CDK13: variants seen among roughly 807,000 people sequenced by gnomAD.
CDK13 encodes the protein cyclin dependent kinase 13.
CDK13 carries 40 observed loss-of-function variants against 137.6 expected under a neutral mutation model. The ratio of observed to expected loss-of-function variants is 0.29; its 90% CI spans 0.23 to 0.38. The LOEUF is 0.38. Among genes scored for constraint, CDK13 ranks in the 10% least tolerant of loss-of-function variants. The pLI is 1.00. For missense variants in CDK13, 1,704 were observed against 1,951.8 expected (o/e 0.87, Z 2.39); for synonymous variants, 869 against 760.1 (o/e 1.14, Z -2.36).
rs1786603248 is a variant in CDK13 at position 40,078,884 on chromosome 7, A to G, written c.3029+33A>G. 4.6e-6 allele frequency: 4 copies of G among 864,860 alleles called. No individual in the cohort carries two copies. In the East Asian group the frequency reaches 1.6e-4, roughly 34 times the overall value. The allele number at this position is 864,860 out of a possible 1,614,324, so 53.6% of individuals were successfully genotyped here. A position where few individuals can be genotyped will look rare whatever the true frequency, so the allele number is the denominator to read the frequency against. On this transcript the variant is annotated intron_variant, in intron 11 of 13. Transcript: ENST00000181839. ...ACTTTTTATCCTATTATTATTATAT[A>G]TTATTATTATATTTATTATATTAAA...
At chr7:39,977,786 C>T (rs973734440) in intron 1 of CDK13, among the ~76,000 whole-genome samples, 8 of 152,056 alleles carry the variant, frequency 5.3e-5, no homozygotes, top group Non-Finnish European at 1.2e-4. Context: ...GAGACTTGCA[C>T]TGGGCCCAGT....
Position 40,092,807 on chromosome 7 carries a change from C to G in CDK13, c.3258C>G (p.His1086Gln), listed in dbSNP as rs369804278. Reference protein sequence around the residue: ...VAPVKTGPGQHLNHSELAILL... With the variant: ...VAPVKTGPGQQLNHSELAILL... ...TAGTAAAAACAGGCCCTGGACAGCA[C>G]TTAAACCACAGTGAATTGGCAATTC... is the stretch of plus-strand genomic sequence containing the variant. The change falls in exon 13 of 14, where the codon CAC (histidine) becomes CAG (glutamine). Residue 1086 changes from histidine (H) to glutamine (Q), a missense_variant. Around this residue, in one of 5 missense-constraint regions of CDK13, gnomAD observed 475 missense variants for 579.3 expected, o/e 0.82. Transcript: ENST00000181839. 29 of 1,613,934 alleles carry G rather than the reference C, an allele frequency of 1.8e-5. No homozygotes were observed. The highest frequency in any genetic ancestry group is 2.5e-5 in the Non-Finnish European group (29 of 1,179,974).
intron 4 of CDK13, among the ~76,000 whole-genome samples, chr7:40,001,238 C>T (rs1372302860): frequency 4.2e-5 from 6 of 141,512 alleles, no homozygotes; most frequent in African/African-American, 1.1e-4. Flanking sequence ...TTTTTTGAGA[C>T]GGAGTCTTGC....
chr7:40,062,560 G>A (rs1481619202), intron 7 of CDK13: 7 of 323,146 alleles, frequency 2.2e-5, no homozygotes, highest in South Asian at 6.4e-5. Context: ...GATTACAGGC[G>A]TGAGCCACCG....
intron 1 of CDK13, among the ~76,000 whole-genome samples, chr7:39,965,217 A>T (rs1278981940): frequency 6.6e-6 from 1 of 152,150 alleles, no homozygotes; most frequent in East Asian, 1.9e-4. Flanking sequence ...TAATGTTGAC[A>T]GTGGGGTGTT....
chr7:39,957,448 T>C (rs1474519336), intron 1 of CDK13, among the ~76,000 whole-genome samples: 1 of 152,178 alleles, frequency 6.6e-6, no homozygotes, highest in African/African-American at 2.4e-5. Context: ...GCTTATTTAT[T>C]GGTGGTTTAA....
intron 7 of CDK13, among the ~76,000 whole-genome samples, chr7:40,055,429 T>C (rs1281155844): frequency 6.6e-6 from 1 of 152,106 alleles, no homozygotes; most frequent in Non-Finnish European, 1.5e-5. Flanking sequence ...TTTTAATCCA[T>C]GAAAGAAAAA....
At chr7:40,060,027 T>C (rs865799819) in intron 7 of CDK13, among the ~76,000 whole-genome samples, 6 of 152,206 alleles carry the variant, frequency 3.9e-5, no homozygotes, top group African/African-American at 1.4e-4. Flanking sequence ...CATGTGGTTT[T>C]GTGTTTATTT....
chr7:39,987,253 G>C (rs1417010632), intron 1 of CDK13: 1 of 174,538 alleles, frequency 5.7e-6, no homozygotes, highest in Non-Finnish European at 1.2e-5. Flanking sequence ...CTGTCTCCTG[G>C]TAAAAGATTT....
intron 2 of CDK13, among the ~76,000 whole-genome samples, chr7:39,997,065 G>A (rs1784579040): frequency 6.7e-6 from 1 of 149,324 alleles, no homozygotes; most frequent in South Asian, 2.1e-4. Flanking sequence ...CAGTTTTATA[G>A]TTAATTCTGT....
chr7:40,089,378 T>C (rs539754757), intron 12 of CDK13, among the ~76,000 whole-genome samples: 46 of 150,842 alleles, frequency 3.0e-4, no homozygotes, highest in Non-Finnish European at 5.7e-4. Flanking sequence ...AGGCAGATGT[T>C]GCAGTGAGCC....
intron 12 of CDK13, 67 bp downstream of exon 12, chr7:40,088,398 C>T: frequency 8.2e-7 from 1 of 1,225,204 alleles, no homozygotes; most frequent in Non-Finnish European, 1.2e-6. Context: ...TCATATTGCT[C>T]TAATGTTAAA....
chr7:40,009,445 A>G (rs1784853601), intron 5 of CDK13, among the ~76,000 whole-genome samples: 1 of 152,228 alleles, frequency 6.6e-6, no homozygotes. Flanking sequence ...GTCCTAATCA[A>G]TTCTGAATTA....
intron 7 of CDK13, 58 bp downstream of exon 7, chr7:40,047,935 C>A (rs1785786581): frequency 2.0e-6 from 2 of 1,006,764 alleles, no homozygotes; most frequent in Admixed American, 1.8e-5. Flanking sequence ...AGAAGCTATA[C>A]TAAGAATACC....
At chr7:39,966,512 A>G (rs978754922) in intron 1 of CDK13, among the ~76,000 whole-genome samples, 6 of 151,944 alleles carry the variant, frequency 3.9e-5, no homozygotes, top group South Asian at 2.1e-4. Context: ...CCATTCATCT[A>G]ATTTTTTTTC....
chr7:39,999,628 C>T, intron 4 of CDK13, 128 bp downstream of exon 4: 3 of 948,512 alleles, frequency 3.2e-6, no homozygotes, highest in Non-Finnish European at 4.7e-6. Flanking sequence ...TTTGTTTCAT[C>T]TTGTTTTTTT....
At chr7:40,003,590 A>T (rs1784739519) in intron 5 of CDK13, among the ~76,000 whole-genome samples, 1 of 152,152 alleles carries the variant, frequency 6.6e-6, no homozygotes, top group Non-Finnish European at 1.5e-5. Context: ...TGTCTTTCAT[A>T]GTTAGAATTA....
Position 39,950,592 on chromosome 7 carries a change from AC to A in CDK13, c.-47del, listed in dbSNP as rs1165852804. On this transcript the variant is annotated 5_prime_UTR_variant, in exon 1 of 14. Coordinates refer to ENST00000181839, the MANE Select transcript of CDK13 (RefSeq NM_003718.5). ...CGGCGGGGGAGATGGCCAGGATCTG[AC>A]CCGGGAGGAGGCCGCACCCGCGCCG... The A allele has an allele frequency of 3.1e-6, 4 of 1,290,710 alleles. No individual in the cohort carries two copies. The highest frequency in any genetic ancestry group is 1.6e-5 in the African/African-American group (1 of 64,290). The allele number at this position is 1,290,710 out of a possible 1,614,324, so 80.0% of individuals were successfully genotyped here.
intron 5 of CDK13, among the ~76,000 whole-genome samples, chr7:40,033,353 A>G (rs1457289417): frequency 6.6e-6 from 1 of 152,134 alleles, no homozygotes; most frequent in East Asian, 1.9e-4. Flanking sequence ...TATTAATTAG[A>G]GCTTTAAAAA....
Sources: gnomAD v4.1 joint callset for allele counts (sites outside exome capture counted in the v4.1 genomes callset) on GRCh38, gnomAD v4.1.1 for gene constraint, gnomAD v4.1.1 regional missense constraint, MANE v1.5 for transcripts, NCBI Gene and HGNC (gene_info 2026-07-23, HGNC 2026-07-21) for gene names.